The following CFAP61 variants were observed in gnomAD, a reference collection of about 807,000 sequenced individuals.
CFAP61 encodes cilia and flagella associated protein 61.
In CFAP61, 107 loss-of-function variants were observed where a neutral mutation model predicts 135.6. The ratio of observed to expected loss-of-function variants is 0.79; its 90% confidence interval spans 0.67 to 0.93. The LOEUF (loss-of-function observed/expected upper bound fraction) is 0.93. Among genes scored for constraint, CFAP61 ranks in the 40% least tolerant of loss-of-function variants. CFAP61 has a pLI of 0.00. For synonymous variants in CFAP61, 575 were observed against 578.5 expected, an observed-to-expected ratio of 0.99 and a Z score of 0.09; for missense variants, 1,507 against 1,556.2, an observed-to-expected ratio of 0.97 and a Z score of 0.53.
At chr20:20,083,540 A>G (rs1036302672) in intron 6 of CFAP61, among the ~76,000 whole-genome samples, 6 of 152,222 alleles carry the variant, frequency 3.9e-5, no homozygotes, top group Non-Finnish European at 8.8e-5. Flanking sequence ...AAGATTTAAG[A>G]TGGGTGGTTT....
chr20:20,334,450 A>G (rs529094413), intron 25 of CFAP61, among the ~76,000 whole-genome samples: 2 of 152,240 alleles, frequency 1.3e-5, no homozygotes, highest in South Asian at 2.1e-4. Context: ...CTGAATTCCC[A>G]GGTAAACCAG....
intron 22 of CFAP61, among the ~76,000 whole-genome samples, chr20:20,280,273 T>C (rs532563642): frequency 1.6e-4 from 24 of 152,160 alleles, no homozygotes; most frequent in African/African-American, 5.5e-4. Flanking sequence ...CTGCAAGTCA[T>C]GGAATGGCAG....
chr20:20,359,737 A>G lies in CFAP61; in HGVS notation c.3514-473A>G, dbSNP rs1208483748. ...ACAGATGATTTTTATCTGAAAATGAAGGGCTTGAAATGACTAACCTGGATG... is the reference window on the plus strand; with the variant it reads ...ACAGATGATTTTTATCTGAAAATGAGGGGCTTGAAATGACTAACCTGGATG... On this transcript the variant is annotated intron_variant, in intron 26 of 26. Transcript: ENST00000245957. The surrounding 1 kb of genome is among the most constrained non-coding windows in gnomAD (Gnocchi z 4.0). 1.3e-5 allele frequency among the ~76,000 whole-genome samples: 2 copies of G among 152,232 alleles called. No individual in the cohort carries two copies. The highest frequency in any genetic ancestry group is 6.5e-5 in the Admixed American group (1 of 15,286).
chr20:20,240,870 T>C (rs1425726666), intron 18 of CFAP61, among the ~76,000 whole-genome samples: 2 of 152,138 alleles, frequency 1.3e-5, no homozygotes, highest in Non-Finnish European at 2.9e-5. Flanking sequence ...TCTGCCCATT[T>C]CTCCTTCCTC....
At chr20:20,268,052 C>T (rs1430735293) in intron 21 of CFAP61, among the ~76,000 whole-genome samples, 4 of 152,218 alleles carry the variant, frequency 2.6e-5, no homozygotes, top group African/African-American at 7.2e-5. Context: ...CATCCGTGAC[C>T]GTCCTGGACA....
At chr20:20,217,037 G>T (rs2048087758) in intron 17 of CFAP61, among the ~76,000 whole-genome samples, 1 of 152,128 alleles carries the variant, frequency 6.6e-6, no homozygotes, top group Non-Finnish European at 1.5e-5. Context: ...AAAGAAGGTG[G>T]ATTTGTTTTA....
intron 17 of CFAP61, chr20:20,221,077 G>T (rs914437187): frequency 2.0e-5 from 3 of 151,898 alleles, no homozygotes; most frequent in African/African-American, 7.2e-5. Flanking sequence ...CATTTCTCCA[G>T]TTTGTGGCTG....
chr20:20,274,031 TCTGGAGGGGG>T (rs1232812814), intron 21 of CFAP61, among the ~76,000 whole-genome samples: 2 of 152,248 alleles, frequency 1.3e-5, no homozygotes, highest in Non-Finnish European at 2.9e-5. Flanking sequence ...TAGGCTTTTT[TCTGGAGGGGG>T]CCCCAAAATA....
intron 25 of CFAP61, among the ~76,000 whole-genome samples, chr20:20,332,968 C>T (rs555776230): frequency 2.6e-5 from 4 of 152,178 alleles, no homozygotes; most frequent in African/African-American, 4.8e-5. Flanking sequence ...AAGCTAGTTA[C>T]GATGTCCTCT....
intron 17 of CFAP61, among the ~76,000 whole-genome samples, chr20:20,200,508 T>G (rs2056560374): frequency 6.6e-6 from 1 of 152,238 alleles, no homozygotes. Context: ...CTAGATATTC[T>G]TTATAAATGG....
At chr20:20,355,297 G>GTGA (rs1229779062) in intron 26 of CFAP61, among the ~76,000 whole-genome samples, 7 of 138,696 alleles carry the variant, frequency 5.0e-5, no homozygotes, top group South Asian at 2.5e-4. Context: ...GTGAGGGGAG[G>GTGA]TCACACTGAG....
chr20:20,153,550 A>G (rs2052630653), intron 9 of CFAP61, among the ~76,000 whole-genome samples: 1 of 152,202 alleles, frequency 6.6e-6, no homozygotes, highest in African/African-American at 2.4e-5. Flanking sequence ...ATTACAACCA[A>G]TACCACAGCA....
At chr20:20,149,747 A>G (rs377115832) in intron 9 of CFAP61, among the ~76,000 whole-genome samples, 5 of 152,318 alleles carry the variant, frequency 3.3e-5, no homozygotes, top group African/African-American at 1.2e-4. Flanking sequence ...TCTCACAGAC[A>G]TCCTCGGGGA....
At chr20:20,159,314 C>T (rs973997421) in intron 9 of CFAP61, 56 bp from the exon 10 acceptor site, 115 of 1,556,774 alleles carry the variant, frequency 7.4e-5, no homozygotes, top group Middle Eastern at 6.8e-4. Flanking sequence ...AGAGCTTGGA[C>T]TCTAAACCAC....
chr20:20,057,234 A>G (rs2044427499), intron 2 of CFAP61, among the ~76,000 whole-genome samples: 2 of 152,084 alleles, frequency 1.3e-5, no homozygotes, highest in African/African-American at 4.8e-5. Flanking sequence ...CTTACTGCAC[A>G]GTGAAAAAAT....
At chr20:20,131,420 A>C (rs2050519600) in intron 8 of CFAP61, among the ~76,000 whole-genome samples, 1 of 152,110 alleles carries the variant, frequency 6.6e-6, no homozygotes, top group Admixed American at 6.5e-5. Context: ...CATTAGGATA[A>C]AGTTGAAGCC....
intron 8 of CFAP61, among the ~76,000 whole-genome samples, chr20:20,121,733 A>C (rs2049652093): frequency 6.6e-6 from 1 of 152,112 alleles, no homozygotes; most frequent in Non-Finnish European, 1.5e-5. Context: ...GCCTCAAGTG[A>C]TCTGCCTGCT....
intron 14 of CFAP61, among the ~76,000 whole-genome samples, chr20:20,191,121 AT>A (rs1209387909): frequency 2.0e-5 from 3 of 151,876 alleles, no homozygotes; most frequent in South Asian, 4.1e-4. Context: ...CTCAAAAAAA[AT>A]AATAATAATA....
intron 13 of CFAP61, among the ~76,000 whole-genome samples, chr20:20,182,469 C>T (rs1454448457): frequency 6.6e-6 from 1 of 151,898 alleles, no homozygotes. Flanking sequence ...AATTATTTCT[C>T]AAAATATGGT....
Sources: allele counts gnomAD v4.1 joint callset (sites outside exome capture counted in the v4.1 genomes callset), GRCh38; gene constraint gnomAD v4.1.1; non-coding constraint Gnocchi (gnomAD v3.1); transcripts MANE v1.5; gene names NCBI Gene and HGNC (gene_info 2026-07-23, HGNC 2026-07-21).